ARHGEF3: variants seen among roughly 807,000 people sequenced by gnomAD.
ARHGEF3 encodes Rho guanine nucleotide exchange factor 3, also known as 59.8 kDA protein.
In ARHGEF3, 28 loss-of-function variants were observed where a neutral mutation model predicts 63.2. The observed-to-expected ratio is 0.44, with a 90% CI of 0.33 to 0.61. The LOEUF (loss-of-function observed/expected upper bound fraction) is 0.61. Among genes scored for constraint, ARHGEF3 ranks in the 20% least tolerant of loss-of-function variants. The pLI is 0.03. For missense variants in ARHGEF3, 533 were observed against 659.3 expected (o/e 0.81, Z 2.10); for synonymous variants, 266 against 254.2 (o/e 1.05, Z -0.44).
At chr3:56,747,638 C>T (rs149386160) in intron 6 of ARHGEF3, among the ~76,000 whole-genome samples, 2 of 152,264 alleles carry the variant, frequency 1.3e-5, no homozygotes, top group Non-Finnish European at 2.9e-5. Flanking sequence ...GCCTGGGCAA[C>T]GTGGCAAAAT....
chr3:56,899,568 C>T (rs767663654), intron 3 of ARHGEF3, among the ~76,000 whole-genome samples: 7 of 151,862 alleles, frequency 4.6e-5, no homozygotes, highest in Non-Finnish European at 7.4e-5. Context: ...TTTTTGTTTA[C>T]CATAGTAATA....
chr3:56,968,495 C>CT (rs540807108), intron 2 of ARHGEF3, among the ~76,000 whole-genome samples: 16,397 of 132,326 alleles, frequency 0.12, 1,109 homozygotes, highest in East Asian at 0.22. Context: ...GCACAACTAG[C>CT]TTTTTTTTTT....
intron 2 of ARHGEF3, among the ~76,000 whole-genome samples, chr3:56,992,632 C>A (rs1052084416): frequency 1.3e-5 from 2 of 152,092 alleles, no homozygotes; most frequent in African/African-American, 4.8e-5. Context: ...CCTAAATTCA[C>A]TGGACTCCAC....
intron 4 of ARHGEF3, among the ~76,000 whole-genome samples, chr3:56,850,972 A>G (rs145280116): frequency 6.6e-6 from 1 of 152,316 alleles, no homozygotes; most frequent in East Asian, 1.9e-4. Flanking sequence ...TCATGTAGCT[A>G]GTAAGTGGTA....
intron 2 of ARHGEF3, among the ~76,000 whole-genome samples, chr3:57,020,220 A>G (rs11713909): frequency 0.26 from 39,968 of 152,058 alleles, 5,611 homozygotes; most frequent in Middle Eastern, 0.33. Flanking sequence ...CTGAAACTTC[A>G]GGTAGGGACT....
chr3:56,737,484 T>A lies in ARHGEF3; in HGVS notation c.871-129A>T, dbSNP rs112828887. On this transcript the variant is annotated intron_variant, in intron 7 of 9. Transcript: ENST00000296315. Reference sequence around the variant, plus strand: ...TAACTCTGTTATCTAAGTTGCTACTTTGGGAAAAGAGAAAAAAAAAAAACA... The same window carrying A: ...TAACTCTGTTATCTAAGTTGCTACTATGGGAAAAGAGAAAAAAAAAAAACA... 216 of 636,990 alleles carry A rather than the reference T, an allele frequency of 3.4e-4. 1 individual carries two copies. The African/African-American group carries it at 5.0e-3, about 15-fold the overall frequency. The allele number at this position is 636,990 out of a possible 1,614,324, so 39.5% of individuals were successfully genotyped here.
At chr3:56,898,362 A>C (rs2041380999) in intron 3 of ARHGEF3, among the ~76,000 whole-genome samples, 1 of 151,912 alleles carries the variant, frequency 6.6e-6, no homozygotes. Context: ...GGCATGTGCC[A>C]CCACACTGGC....
At chr3:57,002,200 C>T (rs966666162) in intron 2 of ARHGEF3, among the ~76,000 whole-genome samples, 9 of 150,932 alleles carry the variant, frequency 6.0e-5, no homozygotes, top group South Asian at 2.1e-4. Flanking sequence ...CGTGAGCCAC[C>T]GGGCCCGGCT....
intron 2 of ARHGEF3, among the ~76,000 whole-genome samples, chr3:56,959,268 T>C (rs547436326): frequency 7.9e-5 from 12 of 152,308 alleles, no homozygotes; most frequent in South Asian, 6.2e-4. Context: ...CCTGGAACTC[T>C]CCCTTGTCAC....
intron 3 of ARHGEF3, among the ~76,000 whole-genome samples, chr3:56,899,643 C>T (rs2041438559): frequency 6.6e-6 from 1 of 152,034 alleles, no homozygotes; most frequent in Non-Finnish European, 1.5e-5. Flanking sequence ...ATTATGAAGC[C>T]TTTTTCAGGT....
chr3:57,041,330 A>T (rs1704178495), intron 1 of ARHGEF3, among the ~76,000 whole-genome samples: 1 of 152,186 alleles, frequency 6.6e-6, no homozygotes, highest in Non-Finnish European at 1.5e-5. Context: ...CCCTCTATTG[A>T]ATAGTAGGAA....
At chr3:56,915,981 GA>G (rs1306723239) in intron 3 of ARHGEF3, among the ~76,000 whole-genome samples, 1 of 152,138 alleles carries the variant, frequency 6.6e-6, no homozygotes, top group Non-Finnish European at 1.5e-5. Flanking sequence ...AGCAGAGCGT[GA>G]AAAGCCCTTC....
chr3:57,028,905 G>A (rs1703602228), intron 2 of ARHGEF3, among the ~76,000 whole-genome samples: 1 of 151,480 alleles, frequency 6.6e-6, no homozygotes, highest in African/African-American at 2.4e-5. Context: ...AGCTTTTTTA[G>A]TGACTTTGCA....
intron 2 of ARHGEF3, among the ~76,000 whole-genome samples, chr3:57,022,827 G>A (rs758247964): frequency 1.7e-5 from 2 of 118,616 alleles, no homozygotes; most frequent in African/African-American, 2.6e-5. Flanking sequence ...ACGTATGACC[G>A]TCTCATCACC....
chr3:56,810,496 C>T (rs968010655), intron 4 of ARHGEF3, among the ~76,000 whole-genome samples: 1 of 151,916 alleles, frequency 6.6e-6, no homozygotes, highest in Admixed American at 6.6e-5. Flanking sequence ...CACTGCACTC[C>T]GGCCTGGGTG....
At chr3:56,906,278 C>G (rs1322302647) in intron 3 of ARHGEF3, among the ~76,000 whole-genome samples, 3 of 152,180 alleles carry the variant, frequency 2.0e-5, no homozygotes, top group Non-Finnish European at 4.4e-5. Context: ...TGCTCAATAG[C>G]TAACTGAGGC....
intron 4 of ARHGEF3, among the ~76,000 whole-genome samples, chr3:56,824,012 G>A (rs902823825): frequency 2.0e-5 from 3 of 147,586 alleles, no homozygotes; most frequent in Non-Finnish European, 4.5e-5. Context: ...AAAACAGAAC[G>A]AGCCAGATGG....
chr3:56,928,708 C>T (rs527721002), intron 3 of ARHGEF3, among the ~76,000 whole-genome samples: 1 of 152,268 alleles, frequency 6.6e-6, no homozygotes, highest in Non-Finnish European at 1.5e-5. Context: ...GAAAATGTGC[C>T]TCTGCCCCCC....
chr3:57,010,270 T>C (rs144203419), intron 2 of ARHGEF3, among the ~76,000 whole-genome samples: 2,561 of 151,932 alleles, frequency 0.017, 64 homozygotes, highest in African/African-American at 0.053. Flanking sequence ...CTGGCTAACA[T>C]GGTGAAACCC....
Sources: gnomAD v4.1 joint callset for allele counts (sites outside exome capture counted in the v4.1 genomes callset) on GRCh38, gnomAD v4.1.1 for gene constraint, MANE v1.5 for transcripts, NCBI Gene and HGNC (gene_info 2026-07-23, HGNC 2026-07-21) for gene names.